The following PHACTR1 variants were observed in gnomAD, a reference collection of about 807,000 sequenced individuals.
PHACTR1 encodes phosphatase and actin regulator 1.
In PHACTR1, 16 loss-of-function variants were observed where a neutral mutation model predicts 69.2. The ratio of observed to expected loss-of-function variants is 0.23; its 90% confidence interval spans 0.16 to 0.35. PHACTR1 has a LOEUF of 0.35. Among genes scored for constraint, PHACTR1 ranks in the 10% least tolerant of loss-of-function variants. PHACTR1 has a pLI of 1.00. For missense variants in PHACTR1, 510 were observed against 734.7 expected, an observed-to-expected ratio of 0.69 and a Z score of 3.54; for synonymous variants, 312 against 284.5, an observed-to-expected ratio of 1.10 and a Z score of -0.97.
chr6:12,989,404 C>CT (rs1796562279), intron 4 of PHACTR1, among the ~76,000 whole-genome samples: 2 of 152,162 alleles, frequency 1.3e-5, no homozygotes, highest in African/African-American at 4.8e-5. Context: ...AGAAAGTTAT[C>CT]ATCAGGAGGT....
At chr6:13,170,399 A>G (rs532722515) in intron 6 of PHACTR1, among the ~76,000 whole-genome samples, 1 of 152,280 alleles carries the variant, frequency 6.6e-6, no homozygotes, top group African/African-American at 2.4e-5. Context: ...CCCTCCTGTG[A>G]ACTCATGGCA....
At chr6:12,804,760 C>T (rs747094813) in intron 4 of PHACTR1, among the ~76,000 whole-genome samples, 4 of 152,168 alleles carry the variant, frequency 2.6e-5, no homozygotes, top group Non-Finnish European at 4.4e-5. Flanking sequence ...AATCATACCA[C>T]TGCAATCCAG....
intron 4 of PHACTR1, among the ~76,000 whole-genome samples, chr6:12,836,507 A>C (rs1778182009): frequency 6.6e-6 from 1 of 152,232 alleles, no homozygotes; most frequent in South Asian, 2.1e-4. Context: ...GAACATCTCC[A>C]GCAATATTTA....
chr6:12,793,588 G>T (rs1772605950), intron 4 of PHACTR1, among the ~76,000 whole-genome samples: 1 of 152,190 alleles, frequency 6.6e-6, no homozygotes, highest in African/African-American at 2.4e-5. Flanking sequence ...AGCTCTGATT[G>T]TATTAAGAAA....
chr6:13,135,514 T>G (rs553672140), intron 5 of PHACTR1, among the ~76,000 whole-genome samples: 1 of 152,356 alleles, frequency 6.6e-6, no homozygotes, highest in African/African-American at 2.4e-5. Context: ...CAGCGATTTA[T>G]TACACTGAGA....
chr6:12,901,639 C>T (rs1785205921), intron 4 of PHACTR1, among the ~76,000 whole-genome samples: 2 of 152,086 alleles, frequency 1.3e-5, no homozygotes, highest in South Asian at 2.1e-4. Flanking sequence ...GGATTACCGG[C>T]GCCCGCCACC....
intron 5 of PHACTR1, among the ~76,000 whole-genome samples, chr6:13,107,947 C>T (rs551263305): frequency 9.9e-5 from 15 of 151,910 alleles, no homozygotes; most frequent in Non-Finnish European, 1.6e-4. Context: ...AATTTGATTT[C>T]GCTTCTTCCA....
chr6:13,184,211 T>A (rs1248395668), intron 7 of PHACTR1, among the ~76,000 whole-genome samples: 4 of 152,128 alleles, frequency 2.6e-5, no homozygotes, highest in African/African-American at 9.7e-5. Flanking sequence ...GTGCCTGGGG[T>A]GCAGCCTATG....
At chr6:12,822,072 G>A (rs1776286821) in intron 4 of PHACTR1, among the ~76,000 whole-genome samples, 1 of 152,184 alleles carries the variant, frequency 6.6e-6, no homozygotes, top group South Asian at 2.1e-4. Context: ...AGTTTATCAT[G>A]TGGCCTGTAG....
intron 5 of PHACTR1, among the ~76,000 whole-genome samples, chr6:13,080,494 C>T (rs76653792): frequency 1.4e-3 from 219 of 152,218 alleles, no homozygotes; most frequent in Middle Eastern, 3.4e-3. Flanking sequence ...TGATTTGCTT[C>T]GGCAAAGTCT....
rs115274263 is a variant in PHACTR1 at position 13,206,514 on chromosome 6, G to A, written c.986+378G>A. Among the ~76,000 whole-genome samples, 497 of 152,212 alleles carry A rather than the reference G, an allele frequency of 3.3e-3. 2 individuals carry two copies. Among genetic ancestry groups the A allele is most frequent in the African/African-American group, 0.011 (473 of 41,524 alleles). ...TATAAACAAGACTTAAGTTCCTATA[G>A]CATATTTCTGGTCACAAAAATATCA... On this transcript the variant is annotated intron_variant, in intron 8 of 14. Transcript: ENST00000332995.
At chr6:13,025,691 G>GTGTGTGTC (rs1385999402) in intron 4 of PHACTR1, among the ~76,000 whole-genome samples, 1 of 151,750 alleles carries the variant, frequency 6.6e-6, no homozygotes, top group Non-Finnish European at 1.5e-5. Flanking sequence ...GTGTGTGTGT[G>GTGTGTGTC]TGTGTGTGTG....
intron 4 of PHACTR1, among the ~76,000 whole-genome samples, chr6:12,959,996 G>T (rs1792483366): frequency 6.6e-6 from 1 of 152,164 alleles, no homozygotes; most frequent in African/African-American, 2.4e-5. Context: ...TGGTGAAATA[G>T]GACAGATTTT....
intron 5 of PHACTR1, among the ~76,000 whole-genome samples, chr6:13,153,731 T>G (rs1028291626): frequency 2.0e-5 from 3 of 152,334 alleles, no homozygotes; most frequent in Middle Eastern, 3.4e-3. Context: ...AAGCCACATA[T>G]TCATTTTGGG....
chr6:12,851,744 A>G (rs1177428234), intron 4 of PHACTR1, among the ~76,000 whole-genome samples: 1 of 152,146 alleles, frequency 6.6e-6, no homozygotes, highest in Non-Finnish European at 1.5e-5. Context: ...ACAATCAGGC[A>G]TTGCTCTGCC....
At chr6:13,006,429 T>C (rs1373628307) in intron 4 of PHACTR1, among the ~76,000 whole-genome samples, 1 of 152,078 alleles carries the variant, frequency 6.6e-6, no homozygotes, top group Non-Finnish European at 1.5e-5. Context: ...TGACTCAGAG[T>C]TCTACTTGGC....
intron 4 of PHACTR1, among the ~76,000 whole-genome samples, chr6:12,970,115 C>A (rs12205622): frequency 3.3e-5 from 5 of 152,200 alleles, no homozygotes; most frequent in Non-Finnish European, 7.3e-5. Flanking sequence ...TTGGATGAGT[C>A]ACCTGCAAAG....
At chr6:13,044,693 G>A (rs562042961) in intron 4 of PHACTR1, among the ~76,000 whole-genome samples, 2 of 152,282 alleles carry the variant, frequency 1.3e-5, no homozygotes, top group South Asian at 4.1e-4. Flanking sequence ...GCAGCTATTA[G>A]GTGGTAGATT....
intron 10 of PHACTR1, among the ~76,000 whole-genome samples, chr6:13,265,478 C>T (rs1412205798): frequency 2.0e-5 from 3 of 152,154 alleles, no homozygotes; most frequent in Non-Finnish European, 4.4e-5. Context: ...AGAGGATTGT[C>T]ATAAAAAGTT....
Sources: gnomAD v4.1 joint callset for allele counts (sites outside exome capture counted in the v4.1 genomes callset) on GRCh38, gnomAD v4.1.1 for gene constraint, MANE v1.5 for transcripts, NCBI Gene and HGNC (gene_info 2026-07-23, HGNC 2026-07-21) for gene names.